Variants in TBC1D22A observed in about 807,000 individuals in gnomAD.
The protein encoded by TBC1D22A is TBC1 domain family member 22A.
TBC1D22A carries 38 observed loss-of-function variants against 60.2 expected under a neutral mutation model. That is an observed-to-expected ratio of 0.63 (90% CI 0.49 to 0.83). TBC1D22A has a LOEUF of 0.83. Among genes scored for constraint, TBC1D22A ranks in the 40% least tolerant of loss-of-function variants. TBC1D22A has a pLI of 0.00. For missense variants in TBC1D22A, 628 were observed against 701.0 expected (o/e 0.90, Z 1.18); for synonymous variants, 302 against 281.7 (o/e 1.07, Z -0.72).
At chr22:46,918,156 G>A (rs967333624) in intron 8 of TBC1D22A, among the ~76,000 whole-genome samples, 3 of 152,220 alleles carry the variant, frequency 2.0e-5, no homozygotes, top group Non-Finnish European at 4.4e-5. Flanking sequence ...TCCAGTATGC[G>A]TTGCTCTTGT....
chr22:46,938,050 G>A lies in TBC1D22A; in HGVS notation c.1015+25862G>A, dbSNP rs139265572. Reference sequence around the variant, plus strand: ...ATGAAGGAAATTAATAATAATAAATGTCGTGTGGCCTAAGTGCACAGTGCT... The same window carrying A: ...ATGAAGGAAATTAATAATAATAAATATCGTGTGGCCTAAGTGCACAGTGCT... On this transcript the variant is annotated intron_variant, in intron 8 of 12. Coordinates refer to ENST00000337137, the MANE Select transcript of TBC1D22A (RefSeq NM_014346.5). 3.9e-3 allele frequency among the ~76,000 whole-genome samples: 598 copies of A among 152,254 alleles called. 2 individuals carry two copies. Among genetic ancestry groups the A allele is most frequent in the Non-Finnish European group, 5.4e-3 (364 of 68,010 alleles).
rs186770401 is a variant in TBC1D22A at position 47,107,460 on chromosome 22, G to A, written c.1330-4048G>A. Among the ~76,000 whole-genome samples the A allele has an allele frequency of 2.1e-3, 327 of 152,248 alleles. 2 individuals carry two copies. Among genetic ancestry groups the A allele is most frequent in the African/African-American group, 7.2e-3 (301 of 41,532 alleles). On this transcript the variant is annotated intron_variant, in intron 11 of 12. Coordinates refer to ENST00000337137, the MANE Select transcript of TBC1D22A (RefSeq NM_014346.5). Reference sequence around the variant, plus strand: ...CAACAACTACCAACAAGCAGAAATCGAGGTTTTTAGGACCCTATTTTCAAT... The same window carrying A: ...CAACAACTACCAACAAGCAGAAATCAAGGTTTTTAGGACCCTATTTTCAAT...
At chr22:47,029,084 T>C (rs931515676) in intron 10 of TBC1D22A, among the ~76,000 whole-genome samples, 3 of 152,202 alleles carry the variant, frequency 2.0e-5, no homozygotes, top group Non-Finnish European at 4.4e-5. Context: ...CCAGTGATTA[T>C]GATTCCAGTT....
chr22:46,970,694 A>C (rs142414220), intron 8 of TBC1D22A, among the ~76,000 whole-genome samples: 1 of 152,268 alleles, frequency 6.6e-6, no homozygotes, highest in East Asian at 1.9e-4. Flanking sequence ...TCTTGGGTTA[A>C]AATCTGTCAT....
At chr22:46,991,898 G>T (rs2074956311) in intron 9 of TBC1D22A, among the ~76,000 whole-genome samples, 1 of 152,138 alleles carries the variant, frequency 6.6e-6, no homozygotes, top group African/African-American at 2.4e-5. Flanking sequence ...CTGCTGCATG[G>T]TGCCTGAACC....
intron 7 of TBC1D22A, among the ~76,000 whole-genome samples, chr22:46,901,900 A>G (rs1352287239): frequency 1.3e-5 from 2 of 152,272 alleles, no homozygotes; most frequent in African/African-American, 4.8e-5. Flanking sequence ...CACATTGCTG[A>G]TGCATATAGA....
chr22:47,045,403 C>T (rs574567021), intron 11 of TBC1D22A, among the ~76,000 whole-genome samples: 4 of 152,270 alleles, frequency 2.6e-5, no homozygotes, highest in African/African-American at 9.6e-5. Context: ...CTCCCGGAAG[C>T]GGTCATGCAG....
At chr22:46,928,811 C>A (rs1453573016) in intron 8 of TBC1D22A, among the ~76,000 whole-genome samples, 1 of 152,170 alleles carries the variant, frequency 6.6e-6, no homozygotes, top group Non-Finnish European at 1.5e-5. Context: ...AGATGGCCCA[C>A]ATCATTAATC....
chr22:47,019,717 G>A (rs12159440), intron 10 of TBC1D22A, among the ~76,000 whole-genome samples: 1 of 151,560 alleles, frequency 6.6e-6, no homozygotes, highest in African/African-American at 2.4e-5. Context: ...TGCTTTTCCC[G>A]GAAGGTATGC....
intron 4 of TBC1D22A, among the ~76,000 whole-genome samples, chr22:46,847,360 G>A (rs546704846): frequency 2.6e-5 from 4 of 152,304 alleles, no homozygotes. Flanking sequence ...AGCCAGTGCT[G>A]GTTTACATAT....
chr22:47,135,864 A>G (rs2066848867), intron 12 of TBC1D22A, among the ~76,000 whole-genome samples: 1 of 151,454 alleles, frequency 6.6e-6, no homozygotes, highest in Non-Finnish European at 1.5e-5. Context: ...TGGTGAGGTC[A>G]CTGTGGAGTG....
At chr22:46,800,978 A>T (rs939554697) in intron 4 of TBC1D22A, among the ~76,000 whole-genome samples, 2 of 152,232 alleles carry the variant, frequency 1.3e-5, no homozygotes, top group African/African-American at 2.4e-5. Context: ...AGCATTCTGG[A>T]GGACTTTGTA....
At chr22:46,933,647 G>A (rs1489522343) in intron 8 of TBC1D22A, among the ~76,000 whole-genome samples, 1 of 152,096 alleles carries the variant, frequency 6.6e-6, no homozygotes, top group Non-Finnish European at 1.5e-5. Context: ...GGCCCCCTGT[G>A]CCAGGGTGGC....
chr22:46,980,202 A>T (rs1263670804), intron 9 of TBC1D22A, among the ~76,000 whole-genome samples: 1 of 152,226 alleles, frequency 6.6e-6, no homozygotes, highest in Non-Finnish European at 1.5e-5. Context: ...TATTTATTTG[A>T]GATGGAGTCT....
chr22:46,836,215 G>A lies in TBC1D22A; in HGVS notation c.637+38595G>A, dbSNP rs137880961. On this transcript the variant is annotated intron_variant, in intron 4 of 12. Coordinates refer to ENST00000337137, the MANE Select transcript of TBC1D22A (RefSeq NM_014346.5). ...TGATGGTGTGTAAATCACAGTTAAC[G>A]CCAGTATAAAAGTTAAACACCAAAA... Among the ~76,000 whole-genome samples, 687 of 152,250 alleles carry A rather than the reference G, an allele frequency of 4.5e-3. 5 individuals are homozygous for A. The highest frequency in any genetic ancestry group is 5.1e-3 in the Non-Finnish European group (344 of 68,016).
intron 11 of TBC1D22A, among the ~76,000 whole-genome samples, chr22:47,056,637 T>C (rs1189412772): frequency 6.6e-6 from 1 of 152,188 alleles, no homozygotes; most frequent in Non-Finnish European, 1.5e-5. Flanking sequence ...GCCGTGCAGC[T>C]GGCTGGGTCT....
At chr22:47,162,033 A>T (rs1211175879) in intron 12 of TBC1D22A, among the ~76,000 whole-genome samples, 1 of 152,146 alleles carries the variant, frequency 6.6e-6, no homozygotes, top group Non-Finnish European at 1.5e-5. Context: ...CAGTTCCTTT[A>T]AGGATTTTGA....
rs371231131 is a variant in TBC1D22A, at chr22:47,147,771, C to T, written c.1426-25727C>T. Reference sequence around the variant, plus strand: ...CCAGCAGTGAGCACAGGTGGCCTGGCTGCACTGTCTGCGGGGAGCTGTGCC... The same window carrying T: ...CCAGCAGTGAGCACAGGTGGCCTGGTTGCACTGTCTGCGGGGAGCTGTGCC... On this transcript the variant is annotated intron_variant, in intron 12 of 12. Transcript: ENST00000337137. Among the ~76,000 whole-genome samples the T allele has an allele frequency of 4.0e-4, 61 of 152,344 alleles. 2 individuals are homozygous for T. In the East Asian group the frequency reaches 8.9e-3, roughly 22 times the overall value.
intron 11 of TBC1D22A, among the ~76,000 whole-genome samples, chr22:47,103,488 G>C (rs2065500233): frequency 6.6e-6 from 1 of 152,140 alleles, no homozygotes; most frequent in Non-Finnish European, 1.5e-5. Context: ...ATGCAGGGTG[G>C]GTAGGGACCG....
Sources: allele counts gnomAD v4.1 joint callset (sites outside exome capture counted in the v4.1 genomes callset), GRCh38; gene constraint gnomAD v4.1.1; transcripts MANE v1.5; gene names NCBI Gene and HGNC (gene_info 2026-07-23, HGNC 2026-07-21).